The following MIDEAS variants were observed in gnomAD, a reference collection of about 807,000 sequenced individuals.
MIDEAS encodes mitotic deacetylase-associated SANT domain protein.
In MIDEAS, 26 loss-of-function variants were observed where a neutral mutation model predicts 102.7. The observed-to-expected ratio is 0.25, with a 90% CI of 0.19 to 0.35. The LOEUF (loss-of-function observed/expected upper bound fraction) is 0.35. MIDEAS is among the 10% of genes least tolerant of loss of function. MIDEAS has a pLI of 1.00. For synonymous variants in MIDEAS, 585 were observed against 591.0 expected (o/e 0.99, Z 0.15); for missense variants, 1,231 against 1,435.6 (o/e 0.86, Z 2.30).
At position 73,729,943 on chromosome 14, in the gene MIDEAS, G is replaced by C; in HGVS notation, c.1792C>G (p.Arg598Gly). The C allele has an allele frequency of 5.6e-6, 9 of 1,601,622 alleles. No individual in the cohort carries two copies. Among genetic ancestry groups the C allele is most frequent in the Non-Finnish European group, 6.8e-6 (8 of 1,171,278 alleles). ...GGCCTGGGCCGCTGCTTTGGTTTCC[G>C]CACGGAAGGCTCCCCCTCCAACTTG... ...NVKLEGEPSV[R>G]KPKQRPRPEP... Residue 598 changes from arginine to glycine, a missense_variant, in exon 4 of 13, where the codon CGG (arginine) becomes GGG (glycine). By Grantham distance (125) the Arg-to-Gly change is moderately radical. Coordinates refer to ENST00000423556, the MANE Select transcript of MIDEAS (RefSeq NM_001367710.1).
rs943037652 is a variant in MIDEAS at position 73,739,551 on chromosome 14, A to G, written c.458T>C (p.Val153Ala). Residue 153 changes from valine (V) to alanine (A), a missense_variant, in exon 2 of 13, where the codon GTG becomes GCG. Val to Ala is a moderately conservative substitution (Grantham distance 64, BLOSUM62 0). Around this residue, in one of 5 missense-constraint regions of MIDEAS, gnomAD observed 758 missense variants for 856.0 expected, o/e 0.89. Coordinates refer to ENST00000423556, the MANE Select transcript of MIDEAS (RefSeq NM_001367710.1). Reference protein sequence around the residue: ...SATKGSPHPGVGVPTYYNHPE... With the variant: ...SATKGSPHPGAGVPTYYNHPE... ...GTGGTTATAGTAAGTCGGGACTCCCACTCCAGGATGCGGGCTCCCCTTGGT... is the reference window on the plus strand; with the variant it reads ...GTGGTTATAGTAAGTCGGGACTCCCGCTCCAGGATGCGGGCTCCCCTTGGT... 6.2e-7 allele frequency: 1 copy of G among 1,613,920 alleles called. No homozygotes were observed. Among genetic ancestry groups the G allele is most frequent in the East Asian group, 2.2e-5 (1 of 44,854 alleles).
Position 73,718,595 on chromosome 14 carries a change from CCAGGAAAG to C in MIDEAS, c.*240_*247del, listed in dbSNP as rs767655157. The C allele has an allele frequency of 6.4e-5, 23 of 358,790 alleles. No individual in the cohort carries two copies. The highest frequency in any genetic ancestry group is 9.5e-5 in the Admixed American group (2 of 21,136). The allele number at this position is 358,790 out of a possible 1,614,324, so 22.2% of individuals were successfully genotyped here. ...CCGAGGGGACCGGGACTCTCCCGGTCCAGGAAAGCACGAGGACAGCTTCCGACAGACCA... is the reference window on the plus strand; with the variant it reads ...CCGAGGGGACCGGGACTCTCCCGGTCCACGAGGACAGCTTCCGACAGACCA... On this transcript the variant is annotated 3_prime_UTR_variant, in exon 13 of 13. Coordinates refer to ENST00000423556, the MANE Select transcript of MIDEAS (RefSeq NM_001367710.1).
At position 73,718,497 on chromosome 14, in the gene MIDEAS, A is replaced by C; in HGVS notation, c.*346T>G. 2 of 184,158 alleles carry C rather than the reference A, an allele frequency of 1.1e-5. No individual in the cohort carries two copies. Among genetic ancestry groups the C allele is most frequent in the Non-Finnish European group, 1.1e-5 (1 of 89,674 alleles). 11.4% of individuals were successfully genotyped at this position (184,158 alleles called of 1,614,324 possible). A position where few individuals can be genotyped will look rare whatever the true frequency, so the allele number is the denominator to read the frequency against. ...CTGGAGGCCGAGGGGAGGAGGGGGAAGCAAATAAAGGGAAAAGACTGCGGG... is the reference window on the plus strand; with the variant it reads ...CTGGAGGCCGAGGGGAGGAGGGGGACGCAAATAAAGGGAAAAGACTGCGGG... On this transcript the variant is annotated 3_prime_UTR_variant, in exon 13 of 13. Coordinates refer to ENST00000423556, the MANE Select transcript of MIDEAS (RefSeq NM_001367710.1).
rs1312520083 is a variant in MIDEAS at position 73,739,958 on chromosome 14, G to A, written c.51C>T (p.Leu17=). 1 of 1,514,604 alleles carries A rather than the reference G, an allele frequency of 6.6e-7. No individual in the cohort carries two copies. The highest frequency in any genetic ancestry group is 2.3e-5 in the East Asian group (1 of 43,764). The allele number at this position is 1,514,604 out of a possible 1,614,324, so 93.8% of individuals were successfully genotyped here. The part of the protein sequence containing the change: ...PKAQNKRKRC[L]FGGQEPAPKE... ...TGGGAGCTGGTTCCTGGCCCCCGAAGAGGCAACGCTTCCGCTTGTTCTGAG... is the reference window on the plus strand; with the variant it reads ...TGGGAGCTGGTTCCTGGCCCCCGAAAAGGCAACGCTTCCGCTTGTTCTGAG... The change falls in exon 2 of 13, where the codon CTC becomes CTT. Residue 17 remains leucine (L), a synonymous_variant. Coordinates refer to ENST00000423556, the MANE Select transcript of MIDEAS (RefSeq NM_001367710.1).
At chr14:73,719,222 T>TGGG in intron 12 of MIDEAS, 83 bp downstream of exon 12, 3 of 1,497,098 alleles carry the variant, frequency 2.0e-6, no homozygotes, top group Non-Finnish European at 2.7e-6. Flanking sequence ...CTGTACCTCT[T>TGGG]CCCCCTCCCC....
intron 1 of MIDEAS, among the ~76,000 whole-genome samples, chr14:73,755,731 G>A (rs2053471678): frequency 6.6e-6 from 1 of 152,202 alleles, no homozygotes; most frequent in Non-Finnish European, 1.5e-5. Flanking sequence ...GGATCAAGCT[G>A]TTGTTCCCAG....
In MIDEAS at chr14:73,740,071, A is replaced by G; in HGVS notation, c.-63T>C. 7.1e-7 allele frequency: 1 copy of G among 1,416,402 alleles called. No homozygotes were observed. The highest frequency in any genetic ancestry group is 9.2e-7 in the Non-Finnish European group (1 of 1,084,348). 87.7% of individuals were successfully genotyped at this position (1,416,402 alleles called of 1,614,324 possible). A position where few individuals can be genotyped will look rare whatever the true frequency, so the allele number is the denominator to read the frequency against. ...CAACAGTCGCCCATCCCCTGGGGAA[A>G]CGTCCTGCTGGAAGCCGGGCTCTAG... On this transcript the variant is annotated 5_prime_UTR_variant, in exon 2 of 13. Coordinates refer to ENST00000423556, the MANE Select transcript of MIDEAS (RefSeq NM_001367710.1).
chr14:73,779,208 G>A (rs867508313), intron 1 of MIDEAS, among the ~76,000 whole-genome samples: 1 of 151,708 alleles, frequency 6.6e-6, no homozygotes, highest in Non-Finnish European at 1.5e-5. Flanking sequence ...CCAACATGGT[G>A]AAACCCTGTG....
chr14:73,741,067 G>A (rs1202890363), intron 1 of MIDEAS, among the ~76,000 whole-genome samples: 1 of 152,236 alleles, frequency 6.6e-6, no homozygotes, highest in Non-Finnish European at 1.5e-5. Flanking sequence ...TCCAGGCCAA[G>A]AGCTGGTCAG....
chr14:73,740,350 C>T (rs563378186), intron 1 of MIDEAS, 95 bp from the exon 2 acceptor site: 36 of 398,756 alleles, frequency 9.0e-5, no homozygotes, highest in Non-Finnish European at 1.4e-4. Context: ...CAAGGGCCTT[C>T]GGTCCCACCA....
intron 1 of MIDEAS, among the ~76,000 whole-genome samples, chr14:73,753,071 G>A (rs2053440047): frequency 6.6e-6 from 1 of 152,220 alleles, no homozygotes; most frequent in Non-Finnish European, 1.5e-5. Context: ...GACACACTTG[G>A]GAGGTCCCCA....
At chr14:73,779,486 T>C (rs912270988) in intron 1 of MIDEAS, among the ~76,000 whole-genome samples, 3 of 151,018 alleles carry the variant, frequency 2.0e-5, no homozygotes, top group African/African-American at 7.3e-5. Flanking sequence ...GTCTGTTGCC[T>C]ACCTGGTGCC....
At chr14:73,776,029 TG>T (rs1193172247) in intron 1 of MIDEAS, among the ~76,000 whole-genome samples, 3 of 151,950 alleles carry the variant, frequency 2.0e-5, no homozygotes, top group Admixed American at 6.6e-5. Context: ...AAACCAAGCC[TG>T]AAACCAGAAC....
chr14:73,741,625 T>C (rs2053282411), intron 1 of MIDEAS, among the ~76,000 whole-genome samples: 1 of 151,974 alleles, frequency 6.6e-6, no homozygotes, highest in African/African-American at 2.4e-5. Context: ...GCACCAGGAA[T>C]GCCCCTCCCA....
In MIDEAS at chr14:73,725,108, C is replaced by T; in HGVS notation, c.2574+164G>A. On this transcript the variant is annotated intron_variant, in intron 9 of 12. Transcript: ENST00000423556. The surrounding 1 kb of genome is among the most constrained non-coding windows in gnomAD (Gnocchi z 4.1). ...GCTTAGAACCAAAAGGGAAAAGAGA[C>T]CTATCTTTCTCTTTCTTGTATTGTT... The T allele has an allele frequency of 3.2e-6, 2 of 634,230 alleles. No individual in the cohort carries two copies. Among genetic ancestry groups the T allele is most frequent in the Non-Finnish European group, 5.7e-6 (2 of 350,278 alleles). 39.3% of individuals were successfully genotyped at this position (634,230 alleles called of 1,614,324 possible). A position where few individuals can be genotyped will look rare whatever the true frequency, so the allele number is the denominator to read the frequency against.
chr14:73,754,796 TG>T (rs1316452816), intron 1 of MIDEAS: 1 of 152,168 alleles, frequency 6.6e-6, no homozygotes, highest in Non-Finnish European at 1.5e-5. Context: ...TTCTGAGCTA[TG>T]GGGGCCTTAC....
intron 1 of MIDEAS, among the ~76,000 whole-genome samples, chr14:73,746,908 G>A (rs891348766): frequency 6.6e-6 from 1 of 152,156 alleles, no homozygotes; most frequent in Non-Finnish European, 1.5e-5. Context: ...CTTCCAGGCC[G>A]GTGGGGAGAC....
chr14:73,763,216 T>C (rs1251103879), upstream of MIDEAS, among the ~76,000 whole-genome samples: 1 of 152,178 alleles, frequency 6.6e-6, no homozygotes, highest in Non-Finnish European at 1.5e-5. Context: ...CACATGCCTG[T>C]GGTCCCAGCT....
At position 73,738,672 on chromosome 14, in the gene MIDEAS, A is replaced by G. The variant is rs1422030562; in HGVS notation, c.1337T>C (p.Leu446Pro). The G allele has an allele frequency of 6.2e-7, 1 of 1,613,864 alleles. No individual in the cohort carries two copies. The change falls in exon 2 of 13, where the codon CTA becomes CCA. Residue 446 changes from leucine (L) to proline (P), a missense_variant. Physicochemically the swap from Leu to Pro is moderately conservative, Grantham distance 98. Transcript: ENST00000423556. ...AVSTGDCGQV[L>P]RGGVIQSTRR... ...CGTGCTCTGGATCACTCCGCCCCGT[A>G]GCACCTGCCCACAGTCCCCTGTGCT... is the stretch of plus-strand genomic sequence containing the variant.
Sources: allele counts gnomAD v4.1 joint callset (sites outside exome capture counted in the v4.1 genomes callset), GRCh38; gene constraint gnomAD v4.1.1; regional missense constraint gnomAD v4.1.1; non-coding constraint Gnocchi (gnomAD v3.1); transcripts MANE v1.5; gene names NCBI Gene and HGNC (gene_info 2026-07-23, HGNC 2026-07-21).